Variants in UNC13D observed in about 807,000 individuals in gnomAD.
UNC13D encodes protein unc-13 homolog D.
In UNC13D, 115 loss-of-function variants were observed where a neutral mutation model predicts 151.7. That is an observed-to-expected ratio of 0.76 (90% CI 0.65 to 0.88). The LOEUF is 0.88. Ranked by LOEUF, UNC13D falls within the 40% of genes least tolerant of loss-of-function variation. The probability of loss-of-function intolerance (pLI) is 0.00; values close to 1 mark genes in which losing one functional copy is unlikely to be tolerated. For missense variants in UNC13D, 1,369 were observed against 1,438.7 expected, an observed-to-expected ratio of 0.95 and a Z score of 0.78; for synonymous variants, 588 against 612.2, an observed-to-expected ratio of 0.96 and a Z score of 0.58.
intron 1 of UNC13D, 41 bp downstream of exon 1, chr17:75,844,180 C>T (rs1255678408): frequency 1.2e-6 from 2 of 1,603,556 alleles, no homozygotes; most frequent in African/African-American, 2.7e-5. Flanking sequence ...GACCACAGTG[C>T]TCCCCAAGGC....
At chr17:75,830,987 T>G in intron 27 of UNC13D, 111 bp downstream of exon 27, 2 of 1,308,130 alleles carry the variant, frequency 1.5e-6, no homozygotes, top group Non-Finnish European at 2.1e-6. Flanking sequence ...GGGCCCAGTT[T>G]TTCATTTTGT....
Position 75,844,299 on chromosome 17 carries a change from G to C in UNC13D, c.39C>G (p.Pro13=). The C allele has an allele frequency of 6.2e-7, 1 of 1,612,860 alleles. No individual in the cohort carries two copies. Among genetic ancestry groups the C allele is most frequent in the Non-Finnish European group, 8.5e-7 (1 of 1,179,934 alleles). ...TTATCTTGATGGCCTGGCGCAAGAAGGGAGGGCGCTGCTGCGGATGGGAGA... is the reference window on the plus strand; with the variant it reads ...TTATCTTGATGGCCTGGCGCAAGAACGGAGGGCGCTGCTGCGGATGGGAGA... ...TLLSHPQQRP[P]FLRQAIKIRR... The change falls in exon 1 of 32, where the codon CCC becomes CCG. Residue 13 remains proline (P), a synonymous_variant. Coordinates refer to ENST00000207549, the MANE Select transcript of UNC13D (RefSeq NM_199242.3).
At chr17:75,838,382 C>A (rs1431182112) in intron 12 of UNC13D, among the ~76,000 whole-genome samples, 2 of 152,046 alleles carry the variant, frequency 1.3e-5, no homozygotes, top group African/African-American at 4.8e-5. Context: ...CCACACCTGA[C>A]TAATTTTTCT....
rs1222651052 is a variant in UNC13D at position 75,832,809 on chromosome 17, G to A, written c.2447+157C>T. The A allele has an allele frequency of 2.9e-6, 2 of 691,630 alleles. No homozygotes were observed. The highest frequency in any genetic ancestry group is 3.6e-5 in the African/African-American group (2 of 56,282). The allele number at this position is 691,630 out of a possible 1,614,324, so 42.8% of individuals were successfully genotyped here. A position where few individuals can be genotyped will look rare whatever the true frequency, so the allele number is the denominator to read the frequency against. ...CCCTCAGAACGGATGCTGAGGCCCA[G>A]GAAAGAGGGGCCGTGGGAGGAGAGG... On this transcript the variant is annotated intron_variant, in intron 25 of 31. Transcript: ENST00000207549. This position sits in a 1 kb window ranked among gnomAD's most constrained non-coding sequence, Gnocchi z 4.3.
In UNC13D at chr17:75,835,646, CCT is replaced by C. The variant is rs1567818892; in HGVS notation, c.1726_1727del (p.Arg576GlyfsTer8). 2 of 1,613,286 alleles carry C rather than the reference CCT, an allele frequency of 1.2e-6. No homozygotes were observed. The highest frequency in any genetic ancestry group is 3.3e-5 in the Admixed American group (2 of 60,030). Reference sequence around the variant, plus strand: ...CCGCCCACAATTGGCCTGCTGCCCACCTCTCTGAGGAGCTCATGCGCAGCTGG... The same window carrying C: ...CCGCCCACAATTGGCCTGCTGCCCACCTCTGAGGAGCTCATGCGCAGCTGG... Reference protein sequence around the residue: ...LCQLRMSSSERDGVLALDNFH... With the variant: ...LCQLRMSSSEXDGVLALDNFH... On this transcript the variant is annotated frameshift_variant and splice_region_variant, in exon 19 of 32. Transcript: ENST00000207549. LOFTEE classifies it high-confidence loss of function.
intron 30 of UNC13D, among the ~76,000 whole-genome samples, chr17:75,829,437 A>G (rs943278626): frequency 1.3e-5 from 2 of 151,930 alleles, no homozygotes; most frequent in African/African-American, 4.8e-5. Flanking sequence ...CTGGGACTGC[A>G]GGCGTGTCCC....
At chr17:75,830,728 C>T (rs1485035213) in intron 27 of UNC13D, 67 bp from the exon 28 acceptor site, 2 of 1,521,798 alleles carry the variant, frequency 1.3e-6, no homozygotes, top group African/African-American at 1.4e-5. Context: ...GCCTGCCCTC[C>T]AGGAGCTCAC....
At position 75,827,991 on chromosome 17, in the gene UNC13D, G is replaced by T; in HGVS notation, c.3247C>A (p.Gln1083Lys). The T allele has an allele frequency of 6.2e-7, 1 of 1,603,820 alleles. No individual in the cohort carries two copies. Among genetic ancestry groups the T allele is most frequent in the East Asian group, 2.3e-5 (1 of 44,326 alleles). ...LRRHRAKQAS[Q>K]HALRPAP Reference sequence around the variant, plus strand: ...TACGGTGCCGGCCGCAAGGCATGCTGGGAGGCCTGCTTGGCCCGGTGCCGC... The same window carrying T: ...TACGGTGCCGGCCGCAAGGCATGCTTGGAGGCCTGCTTGGCCCGGTGCCGC... Residue 1083 changes from glutamine to lysine, a missense_variant, in exon 32 of 32, where the codon CAG (glutamine) becomes AAG (lysine). Transcript: ENST00000207549.
rs550119463 is a variant in UNC13D, at chr17:75,832,951, G to A, written c.2447+15C>T. The A allele has an allele frequency of 1.3e-6, 2 of 1,572,180 alleles. No homozygotes were observed. The highest frequency in any genetic ancestry group is 1.7e-6 in the Non-Finnish European group (2 of 1,158,240). On this transcript the variant is annotated intron_variant, in intron 25 of 31. Coordinates refer to ENST00000207549, the MANE Select transcript of UNC13D (RefSeq NM_199242.3). The surrounding 1 kb of genome is among the most constrained non-coding windows in gnomAD (Gnocchi z 4.3). Reference sequence around the variant, plus strand: ...GGAGGTGGCGAGCGCGCCCAGGGCAGGGGCTGCTACAGACCTGCTGAAGTT... The same window carrying A: ...GGAGGTGGCGAGCGCGCCCAGGGCAAGGGCTGCTACAGACCTGCTGAAGTT...
chr17:75,834,298 G>T, intron 23 of UNC13D, 27 bp downstream of exon 23: 2 of 1,591,130 alleles, frequency 1.3e-6, no homozygotes, highest in Admixed American at 1.7e-5. Context: ...GGATGGGATG[G>T]GGTGACTGTG....
intron 19 of UNC13D, 51 bp downstream of exon 19, chr17:75,835,596 C>A: frequency 2.5e-6 from 4 of 1,611,568 alleles, no homozygotes; most frequent in Non-Finnish European, 3.4e-6. Context: ...CCTCGTCCAC[C>A]CTCCCCTCCC....
chr17:75,843,707 C>A (rs758114198), intron 1 of UNC13D, 188 bp from the exon 2 acceptor site: 55 of 1,454,028 alleles, frequency 3.8e-5, no homozygotes, highest in Non-Finnish European at 5.0e-5. Flanking sequence ...CTGGGCCCGC[C>A]GTGGCTGAGG....
rs762723761 is a variant in UNC13D, at chr17:75,835,112, C to G, written c.1849-49G>C. 1.4e-5 allele frequency: 22 copies of G among 1,608,422 alleles called. No homozygotes were observed. In the South Asian group the frequency reaches 2.1e-4, roughly 15 times the overall value. ...GGATACTGCCAAATCCACCCCCTTC[C>G]CTCCTTCCTTCATTCATAGAGCAGC... On this transcript the variant is annotated intron_variant, in intron 20 of 31. Transcript: ENST00000207549.
At chr17:75,831,577 T>C (rs2064873114) in intron 25 of UNC13D, 1 of 582,860 alleles carries the variant, frequency 1.7e-6, no homozygotes, top group Admixed American at 3.0e-5. Context: ...CCTCTCAACC[T>C]CAGTGAGGAA....
Position 75,830,102 on chromosome 17 carries a change from G to A in UNC13D, c.2880C>T (p.Phe960=), listed in dbSNP as rs1473395467. 1 of 1,584,254 alleles carries A rather than the reference G, an allele frequency of 6.3e-7. No homozygotes were observed. The highest frequency in any genetic ancestry group is 8.6e-7 in the Non-Finnish European group (1 of 1,165,438). ...VQLTLEPRHE[F]PELAARETQK... ...GGGTCTCCCGGGCGGCCAGCTCAGGGAACTCATGCCTGGGCTCCAAGGTCA... is the reference window on the plus strand; with the variant it reads ...GGGTCTCCCGGGCGGCCAGCTCAGGAAACTCATGCCTGGGCTCCAAGGTCA... The change falls in exon 30 of 32, where the codon TTC becomes TTT. Residue 960 remains phenylalanine, a synonymous_variant. Coordinates refer to ENST00000207549, the MANE Select transcript of UNC13D (RefSeq NM_199242.3).
In UNC13D at chr17:75,827,819, C is replaced by T; in HGVS notation, c.*146G>A. The T allele has an allele frequency of 6.7e-7, 1 of 1,494,942 alleles. No individual in the cohort carries two copies. The highest frequency in any genetic ancestry group is 1.3e-5 in the South Asian group (1 of 78,232). The allele number at this position is 1,494,942 out of a possible 1,614,324, so 92.6% of individuals were successfully genotyped here. A position where few individuals can be genotyped will look rare whatever the true frequency, so the allele number is the denominator to read the frequency against. On this transcript the variant is annotated 3_prime_UTR_variant, in exon 32 of 32. Coordinates refer to ENST00000207549, the MANE Select transcript of UNC13D (RefSeq NM_199242.3). ...CATCACCATGGGAGGCAGGGGAGGT[C>T]TGCACTCTGGGCACTCCGCATGCTG...
In UNC13D at chr17:75,833,042, T is replaced by C. The variant is rs1385014230; in HGVS notation, c.2371A>G (p.Ile791Val). 2 of 1,604,714 alleles carry C rather than the reference T, an allele frequency of 1.2e-6. No individual in the cohort carries two copies. Among genetic ancestry groups the C allele is most frequent in the African/African-American group, 1.3e-5 (1 of 74,996 alleles). The change falls in exon 25 of 32, where the codon ATT (isoleucine) becomes GTT (valine). Residue 791 changes from isoleucine (I) to valine (V), a missense_variant. Coordinates refer to ENST00000207549, the MANE Select transcript of UNC13D (RefSeq NM_199242.3). This position sits in a 1 kb window ranked among gnomAD's most constrained non-coding sequence, Gnocchi z 4.0. ...TCCAGGAACTTCATCAGGGGCAGAA[T>C]GGCCTGGGGAGGGAGATGGGGAGCA... ...VRESVLPEDA[I>V]LPLMKFLEVE... is the part of the protein sequence containing the mutation.
Position 75,828,038 on chromosome 17 carries a change from G to A in UNC13D, c.3200C>T (p.Ala1067Val), listed in dbSNP as rs2143858798. The change falls in exon 32 of 32, where the codon GCC becomes GTC. Residue 1067 changes from alanine (A) to valine (V), a missense_variant. By Grantham distance (64) the Ala-to-Val change is moderately conservative (BLOSUM62 0). Coordinates refer to ENST00000207549, the MANE Select transcript of UNC13D (RefSeq NM_199242.3). ...CCGCCGCAGCCTCACAAAGACCTGG[G>A]CTTCTCGGTCACCCTTCCGGCCCTC... Reference protein sequence around the residue: ...LLEGRKGDREAQVFVRLRRHR... With the variant: ...LLEGRKGDREVQVFVRLRRHR... 6.3e-7 allele frequency: 1 copy of A among 1,583,916 alleles called. No individual in the cohort carries two copies. The highest frequency in any genetic ancestry group is 1.3e-5 in the African/African-American group (1 of 74,378).
Position 75,833,161 on chromosome 17 carries a change from T to C in UNC13D, c.2368-116A>G. 9.6e-7 allele frequency: 1 copy of C among 1,041,082 alleles called. No homozygotes were observed. Among genetic ancestry groups the C allele is most frequent in the South Asian group, 1.4e-5 (1 of 70,720 alleles). 64.5% of individuals were successfully genotyped at this position (1,041,082 alleles called of 1,614,324 possible). On this transcript the variant is annotated intron_variant, in intron 24 of 31. Coordinates refer to ENST00000207549, the MANE Select transcript of UNC13D (RefSeq NM_199242.3). The surrounding 1 kb of genome is among the most constrained non-coding windows in gnomAD (Gnocchi z 4.0). ...CTGGGAACCGTTCTGTGAGAGCAGT[T>C]TGTAGTGTCTGTAAGAGGCCGGCCT...
Sources: gnomAD v4.1 joint callset for allele counts (sites outside exome capture counted in the v4.1 genomes callset) on GRCh38, gnomAD v4.1.1 for gene constraint, Gnocchi (gnomAD v3.1) non-coding constraint, MANE v1.5 for transcripts, NCBI Gene and HGNC (gene_info 2026-07-23, HGNC 2026-07-21) for gene names.